RICTOR: variants seen among roughly 807,000 people sequenced by gnomAD.
RICTOR encodes rapamycin-insensitive companion of mTOR.
RICTOR carries 49 observed loss-of-function variants against 214.9 expected under a neutral mutation model. The observed-to-expected ratio is 0.23, with a 90% confidence interval of 0.18 to 0.29. The LOEUF is 0.29. Ranked by LOEUF, RICTOR falls within the 10% of genes least tolerant of loss-of-function variation. The pLI, the probability that RICTOR is intolerant of heterozygous loss-of-function variation, is 1.00. For synonymous variants in RICTOR, 717 were observed against 711.3 expected (o/e 1.01, Z -0.13); for missense variants, 1,625 against 2,047.0 (o/e 0.79, Z 3.98).
chr5:38,975,105 T>C (rs1246754154), intron 10 of RICTOR, among the ~76,000 whole-genome samples: 1 of 152,212 alleles, frequency 6.6e-6, no homozygotes, highest in Non-Finnish European at 1.5e-5. Context: ...AGATAAAACA[T>C]GCACAATCCC....
At chr5:38,968,971 T>G (rs1750478464) in intron 11 of RICTOR, among the ~76,000 whole-genome samples, 2 of 3,348 alleles carry the variant, frequency 6.0e-4, no homozygotes, top group Non-Finnish European at 2.1e-3. Flanking sequence ...AGGAGTTTTT[T>G]TTTTTTTTTT....
At chr5:39,020,920 A>C (rs957490605) in intron 3 of RICTOR, 119 bp downstream of exon 3, 7 of 633,800 alleles carry the variant, frequency 1.1e-5, no homozygotes, top group Non-Finnish European at 2.0e-5. Context: ...GCAGGAAAGA[A>C]AAGCATTAAT....
At chr5:39,050,199 A>T (rs531595503) in intron 2 of RICTOR, among the ~76,000 whole-genome samples, 2,252 of 148,488 alleles carry the variant, frequency 0.015, 22 homozygotes, top group African/African-American at 0.024. Flanking sequence ...TAAATAAATA[A>T]ATATATATAT....
At chr5:39,021,595 C>G (rs1755426244) in intron 2 of RICTOR, among the ~76,000 whole-genome samples, 1 of 152,114 alleles carries the variant, frequency 6.6e-6, no homozygotes, top group Admixed American at 6.6e-5. Flanking sequence ...CCACCCCCAC[C>G]TTGCTTGTGC....
Position 38,949,885 on chromosome 5 carries a change from G to A in RICTOR, c.3963C>T (p.Tyr1321=). Residue 1321 remains tyrosine, a synonymous_variant, in exon 31 of 38, where the codon TAC becomes TAT. Coordinates refer to ENST00000357387, the MANE Select transcript of RICTOR (RefSeq NM_152756.5). ...AGCCAAAAGCATCTCTAGAACTTGT[G>A]TAACTAAAGTTACAATCTGCTAGAC... ...IKSLADCNFS[Y]TSSRDAFGYA... 1 of 1,613,408 alleles carries A rather than the reference G, an allele frequency of 6.2e-7. No individual in the cohort carries two copies. Among genetic ancestry groups the A allele is most frequent in the Non-Finnish European group, 8.5e-7 (1 of 1,179,536 alleles).
At chr5:38,969,381 G>A (rs755329998) in intron 11 of RICTOR, among the ~76,000 whole-genome samples, 13 of 152,062 alleles carry the variant, frequency 8.5e-5, no homozygotes, top group Non-Finnish European at 1.5e-4. Flanking sequence ...CCTATACAAT[G>A]TGTTTGTGTT....
intron 5 of RICTOR, among the ~76,000 whole-genome samples, chr5:38,997,841 A>G (rs2150095274): frequency 6.6e-6 from 1 of 152,306 alleles, no homozygotes; most frequent in Non-Finnish European, 1.5e-5. Flanking sequence ...TACTGAAAAG[A>G]CAGAGGTTTA....
chr5:39,073,351 G>A (rs895330991), intron 2 of RICTOR, among the ~76,000 whole-genome samples: 2 of 152,138 alleles, frequency 1.3e-5, no homozygotes, highest in Non-Finnish European at 2.9e-5. Context: ...AGTGATAGAG[G>A]AAACACTGGC....
intron 11 of RICTOR, among the ~76,000 whole-genome samples, chr5:38,968,564 C>T (rs1370007282): frequency 6.6e-6 from 1 of 151,452 alleles, no homozygotes; most frequent in African/African-American, 2.4e-5. Context: ...ATAGTGAAAC[C>T]CCATCTCTAC....
intron 3 of RICTOR, among the ~76,000 whole-genome samples, chr5:39,017,807 T>C (rs1755080586): frequency 6.6e-6 from 1 of 152,088 alleles, no homozygotes. Context: ...TGACAAAGAA[T>C]ATTTGGAAGG....
chr5:39,050,703 C>T (rs780571861), intron 2 of RICTOR, among the ~76,000 whole-genome samples: 3 of 151,988 alleles, frequency 2.0e-5, no homozygotes, highest in Non-Finnish European at 2.9e-5. Flanking sequence ...TTTAAAATTC[C>T]GTATCCCTTA....
At chr5:39,010,193 T>C (rs149970133) in intron 3 of RICTOR, among the ~76,000 whole-genome samples, 30 of 152,282 alleles carry the variant, frequency 2.0e-4, no homozygotes, top group African/African-American at 6.7e-4. Context: ...CGAGATCTGA[T>C]GGTTTTATGA....
At chr5:38,954,747 C>T in intron 27 of RICTOR, 27 bp downstream of exon 27, 1 of 1,319,576 alleles carries the variant, frequency 7.6e-7, no homozygotes, top group Non-Finnish European at 1.1e-6. Flanking sequence ...ATTGTAGCTA[C>T]TTAAAATAAG....
rs536187711 is a variant in RICTOR, at chr5:38,995,253, T to C, written c.456+1566A>G. On this transcript the variant is annotated intron_variant, in intron 6 of 37. Coordinates refer to ENST00000357387, the MANE Select transcript of RICTOR (RefSeq NM_152756.5). ...AGCCATAAAAGCAATTGAAATAATG[T>C]CTTTTGAAGCAACTTGGATGGAGCC... Among the ~76,000 whole-genome samples, 8 of 152,320 alleles carry C rather than the reference T, an allele frequency of 5.3e-5. No homozygotes were observed. The South Asian group carries it at 6.2e-4, about 12-fold the overall frequency.
chr5:39,019,890 G>A (rs1032492511), intron 3 of RICTOR, among the ~76,000 whole-genome samples: 1 of 152,196 alleles, frequency 6.6e-6, no homozygotes, highest in Admixed American at 6.5e-5. Flanking sequence ...CGTTCCAGAT[G>A]CCATTAAGAA....
chr5:38,969,127 C>A (rs781170838), intron 11 of RICTOR, among the ~76,000 whole-genome samples: 1 of 151,722 alleles, frequency 6.6e-6, no homozygotes, highest in Non-Finnish European at 1.5e-5. Context: ...CCTGCCACCA[C>A]GCCCGGCTAA....
intron 11 of RICTOR, among the ~76,000 whole-genome samples, chr5:38,969,391 T>C (rs1038673163): frequency 6.6e-6 from 1 of 152,134 alleles, no homozygotes; most frequent in Non-Finnish European, 1.5e-5. Flanking sequence ...GTGTTTGTGT[T>C]TTAAGCTAAA....
chr5:39,039,494 C>T (rs1262743491), intron 2 of RICTOR, among the ~76,000 whole-genome samples: 1 of 152,162 alleles, frequency 6.6e-6, no homozygotes, highest in Non-Finnish European at 1.5e-5. Context: ...AGAGCTTCTG[C>T]ACAGCAAAAG....
At chr5:39,031,452 C>G (rs1174445338) in intron 2 of RICTOR, among the ~76,000 whole-genome samples, 1 of 152,094 alleles carries the variant, frequency 6.6e-6, no homozygotes, top group Non-Finnish European at 1.5e-5. Context: ...TAAATTCTAT[C>G]AACCACAGCC....
Sources: gnomAD v4.1 joint callset for allele counts (sites outside exome capture counted in the v4.1 genomes callset) on GRCh38, gnomAD v4.1.1 for gene constraint, MANE v1.5 for transcripts, NCBI Gene and HGNC (gene_info 2026-07-23, HGNC 2026-07-21) for gene names.